The following FAM3C variants were observed in gnomAD, a reference collection of about 807,000 sequenced individuals.
FAM3C encodes the protein protein FAM3C.
FAM3C carries 15 observed loss-of-function variants against 32.5 expected under a neutral mutation model. The observed-to-expected ratio is 0.46, with a 90% confidence interval of 0.31 to 0.71. The LOEUF is 0.71. Among genes scored for constraint, FAM3C ranks in the 30% least tolerant of loss-of-function variants. The pLI is 0.05. For missense variants in FAM3C, 175 were observed against 274.4 expected, an observed-to-expected ratio of 0.64 and a Z score of 2.56; for synonymous variants, 75 against 86.1, an observed-to-expected ratio of 0.87 and a Z score of 0.72.
At chr7:121,386,542 C>A (rs758240612) in intron 1 of FAM3C, among the ~76,000 whole-genome samples, 7 of 151,682 alleles carry the variant, frequency 4.6e-5, no homozygotes, top group Non-Finnish European at 7.4e-5. Flanking sequence ...ATGAGCCAAT[C>A]CCTTATAATA....
At chr7:121,374,906 A>C (rs145539554) in intron 3 of FAM3C, among the ~76,000 whole-genome samples, 108 of 152,324 alleles carry the variant, frequency 7.1e-4, no homozygotes, top group African/African-American at 2.2e-3. Context: ...ATACAGCTTT[A>C]TGTGAATCCC....
chr7:121,367,509 T>C (rs10225647), intron 5 of FAM3C, among the ~76,000 whole-genome samples: 2,721 of 152,290 alleles, frequency 0.018, 88 homozygotes, highest in African/African-American at 0.062. Flanking sequence ...GCCAAAAACA[T>C]TGATCCCTTG....
rs535087721 is a variant in FAM3C, at chr7:121,349,193, G to A, written c.*1268C>T. 6.6e-6 allele frequency: 1 copy of A among 152,342 alleles called. No individual in the cohort carries two copies. The highest frequency in any genetic ancestry group is 1.9e-4 in the East Asian group (1 of 5,194). The allele number at this position is 152,342 out of a possible 1,614,324, so 9.4% of individuals were successfully genotyped here. A position where few individuals can be genotyped will look rare whatever the true frequency, so the allele number is the denominator to read the frequency against. Reference sequence around the variant, plus strand: ...GCTAAATAACAGATACTGCTTTTAGGTTTTTTTATACAATGCATCTAAACT... The same window carrying A: ...GCTAAATAACAGATACTGCTTTTAGATTTTTTTATACAATGCATCTAAACT... On this transcript the variant is annotated 3_prime_UTR_variant, in exon 10 of 10. Transcript: ENST00000359943.
At chr7:121,355,372 CCT>C (rs1050961150) in intron 8 of FAM3C, among the ~76,000 whole-genome samples, 4 of 152,022 alleles carry the variant, frequency 2.6e-5, no homozygotes, top group African/African-American at 9.7e-5. Context: ...AGACATTATC[CCT>C]GTTTTCAAAA....
chr7:121,362,895 A>ACCT lies in FAM3C; in HGVS notation c.381_382+1dup. The ACCT allele has an allele frequency of 6.5e-7, 1 of 1,529,628 alleles. No homozygotes were observed. Among genetic ancestry groups the ACCT allele is most frequent in the Non-Finnish European group, 9.0e-7 (1 of 1,107,538 alleles). 94.8% of individuals were successfully genotyped at this position (1,529,628 alleles called of 1,614,324 possible). A position where few individuals can be genotyped will look rare whatever the true frequency, so the allele number is the denominator to read the frequency against. On this transcript the variant is annotated splice_donor_variant, in intron 7 of 9. Coordinates refer to ENST00000359943, the MANE Select transcript of FAM3C (RefSeq NM_014888.3). LOFTEE classifies it high-confidence loss of function. ...GAACACAGTCATGTTATTTATGCTT[A>ACCT]CCTCCTCCCCACATGTCAAAATATT...
intron 1 of FAM3C, among the ~76,000 whole-genome samples, chr7:121,395,376 G>A (rs1280238586): frequency 6.7e-6 from 1 of 150,272 alleles, no homozygotes; most frequent in African/African-American, 2.4e-5. Context: ...GTAGAGACGA[G>A]GTTTCACCAT....
At chr7:121,389,473 G>A (rs1291748508) in intron 1 of FAM3C, among the ~76,000 whole-genome samples, 1 of 152,124 alleles carries the variant, frequency 6.6e-6, no homozygotes, top group East Asian at 1.9e-4. Context: ...TACTACTGAA[G>A]GAAGCACCTT....
At chr7:121,382,550 T>C (rs1218496909) in intron 2 of FAM3C, among the ~76,000 whole-genome samples, 1 of 28,552 alleles carries the variant, frequency 3.5e-5, no homozygotes, top group East Asian at 3.4e-4. Flanking sequence ...AGTCTTTAGG[T>C]TTTTTTTTTT....
intron 5 of FAM3C, among the ~76,000 whole-genome samples, chr7:121,367,658 A>T (rs1584696168): frequency 6.6e-6 from 1 of 152,176 alleles, no homozygotes; most frequent in East Asian, 1.9e-4. Flanking sequence ...GAAAATTATA[A>T]TTGGAACATA....
chr7:121,353,641 G>A (rs568380575), intron 8 of FAM3C, among the ~76,000 whole-genome samples: 2 of 152,282 alleles, frequency 1.3e-5, no homozygotes, highest in South Asian at 2.1e-4. Context: ...CTGGGAGTCT[G>A]GTATTTTGCA....
intron 5 of FAM3C, among the ~76,000 whole-genome samples, chr7:121,370,942 T>A (rs1562888034): frequency 6.6e-6 from 1 of 152,194 alleles, no homozygotes; most frequent in Non-Finnish European, 1.5e-5. Context: ...GGAACTGAAC[T>A]TTTTAGTTAA....
rs1794377864 is a variant in FAM3C at position 121,382,518 on chromosome 7, T to G, written c.13+439A>C. On this transcript the variant is annotated intron_variant, in intron 2 of 9. Transcript: ENST00000359943. ...CAGCCTCCCTAGGTTGTCAAACCAT[T>G]CTTTATATGGGCATTATATACAGTC... Among the ~76,000 whole-genome samples the G allele has an allele frequency of 2.0e-5, 3 of 151,518 alleles. No homozygotes were observed. In the South Asian group the frequency reaches 6.2e-4, roughly 32 times the overall value.
At chr7:121,382,531 A>G (rs1020413198) in intron 2 of FAM3C, among the ~76,000 whole-genome samples, 1 of 149,038 alleles carries the variant, frequency 6.7e-6, no homozygotes, top group African/African-American at 2.5e-5. Flanking sequence ...TTATATGGGC[A>G]TTATATACAG....
At chr7:121,353,473 T>C (rs1277895959) in intron 8 of FAM3C, among the ~76,000 whole-genome samples, 1 of 152,232 alleles carries the variant, frequency 6.6e-6, no homozygotes, top group Admixed American at 6.5e-5. Context: ...ATAGCAGGCC[T>C]GAGCTTAGAA....
chr7:121,391,001 C>T (rs539871878), intron 1 of FAM3C, among the ~76,000 whole-genome samples: 1 of 152,006 alleles, frequency 6.6e-6, no homozygotes, highest in South Asian at 2.1e-4. Flanking sequence ...CAGATAAATC[C>T]AGAGAAAATG....
intron 1 of FAM3C, among the ~76,000 whole-genome samples, chr7:121,389,945 T>C (rs1365551849): frequency 6.6e-6 from 1 of 151,908 alleles, no homozygotes; most frequent in Non-Finnish European, 1.5e-5. Context: ...CAAACTGGAG[T>C]CTATTACACC....
intron 3 of FAM3C, among the ~76,000 whole-genome samples, chr7:121,373,866 CAA>C (rs937424478): frequency 7.2e-6 from 1 of 139,606 alleles, no homozygotes. Flanking sequence ...ACTACAAATA[CAA>C]AAAAAAAAAA....
chr7:121,367,723 T>G (rs1276995451), intron 5 of FAM3C, among the ~76,000 whole-genome samples: 1 of 152,114 alleles, frequency 6.6e-6, no homozygotes, highest in Admixed American at 6.6e-5. Flanking sequence ...TCCCAGCACT[T>G]TGGGAGGCTG....
chr7:121,382,549 GTTTT>G (rs3068115), intron 2 of FAM3C, among the ~76,000 whole-genome samples: 4 of 130,780 alleles, frequency 3.1e-5, no homozygotes, highest in Admixed American at 7.6e-5. Context: ...CAGTCTTTAG[GTTTT>G]TTTTTTTTTT....
Sources: gnomAD v4.1 joint callset for allele counts (sites outside exome capture counted in the v4.1 genomes callset) on GRCh38, gnomAD v4.1.1 for gene constraint, MANE v1.5 for transcripts, NCBI Gene and HGNC (gene_info 2026-07-23, HGNC 2026-07-21) for gene names.